The following RHOT1 variants were observed in gnomAD, a reference collection of about 807,000 sequenced individuals.
RHOT1 encodes ras homolog family member T1, also known as mitochondrial Rho GTPase 1.
In RHOT1, 27 loss-of-function variants were observed where a neutral mutation model predicts 95.3. The observed-to-expected ratio is 0.28, with a 90% CI of 0.21 to 0.39. RHOT1 has a LOEUF of 0.39. Ranked by LOEUF, RHOT1 falls within the 10% of genes least tolerant of loss-of-function variation. The probability of loss-of-function intolerance (pLI) is 1.00; values close to 1 mark genes in which losing one functional copy is unlikely to be tolerated. For synonymous variants in RHOT1, 227 were observed against 263.5 expected, an observed-to-expected ratio of 0.86 and a Z score of 1.34; for missense variants, 578 against 786.7, an observed-to-expected ratio of 0.73 and a Z score of 3.17.
chr17:32,164,952 A>G (rs2033908774), intron 1 of RHOT1, among the ~76,000 whole-genome samples: 1 of 151,980 alleles, frequency 6.6e-6, no homozygotes, highest in African/African-American at 2.4e-5. Flanking sequence ...TCAGGCCAGG[A>G]GTTCAAGACC....
At chr17:32,182,930 A>G in intron 7 of RHOT1, 65 bp downstream of exon 7, 1 of 1,034,266 alleles carries the variant, frequency 9.7e-7, no homozygotes, top group East Asian at 2.4e-5. Flanking sequence ...CGGGTTTTAA[A>G]TAGGGGGGAC....
At chr17:32,175,499 T>TGG in intron 4 of RHOT1, 137 bp downstream of exon 4, 1 of 857,630 alleles carries the variant, frequency 1.2e-6, no homozygotes, top group Non-Finnish European at 1.9e-6. Context: ...TCACCCACTC[T>TGG]GTCACCCAGT....
chr17:32,186,305 T>C (rs2036046536), intron 8 of RHOT1, among the ~76,000 whole-genome samples: 1 of 152,172 alleles, frequency 6.6e-6, no homozygotes, highest in Admixed American at 6.5e-5. Context: ...TAATTTTTCA[T>C]GTGCTTATTG....
chr17:32,208,994 A>G (rs1216979095), intron 18 of RHOT1: 1 of 156,072 alleles, frequency 6.4e-6, no homozygotes, highest in Non-Finnish European at 1.4e-5. Flanking sequence ...TCTGTTTTGT[A>G]ACAAAATAGT....
At chr17:32,222,625 A>G (rs2038901427) in intron 19 of RHOT1, among the ~76,000 whole-genome samples, 1 of 152,180 alleles carries the variant, frequency 6.6e-6, no homozygotes, top group Non-Finnish European at 1.5e-5. Context: ...TTTTAAATAT[A>G]GAAAACATGA....
chr17:32,148,109 CA>C (rs1178631928), intron 1 of RHOT1, among the ~76,000 whole-genome samples: 1 of 151,942 alleles, frequency 6.6e-6, no homozygotes, highest in Admixed American at 6.6e-5. Context: ...ACTAAAAATA[CA>C]AAAAATTAGC....
At chr17:32,217,495 GC>G (rs1447961041) in intron 19 of RHOT1, among the ~76,000 whole-genome samples, 1 of 152,070 alleles carries the variant, frequency 6.6e-6, no homozygotes, top group African/African-American at 2.4e-5. Flanking sequence ...CTTGGCTCAC[GC>G]CTGTAATCCC....
intron 16 of RHOT1, among the ~76,000 whole-genome samples, chr17:32,204,464 C>T (rs961915118): frequency 2.0e-5 from 3 of 149,078 alleles, no homozygotes; most frequent in African/African-American, 7.5e-5. Flanking sequence ...GCAAGAGAAT[C>T]GCTTGAACCC....
chr17:32,188,946 C>T (rs957691133), intron 8 of RHOT1, among the ~76,000 whole-genome samples: 34 of 152,258 alleles, frequency 2.2e-4, no homozygotes, highest in Admixed American at 2.1e-3. Flanking sequence ...TAATTTACTC[C>T]GAATCCAGTA....
chr17:32,143,202 CG>C, intron 1 of RHOT1: 2 of 445,432 alleles, frequency 4.5e-6, no homozygotes, highest in Non-Finnish European at 9.2e-6. Context: ...AACCGGCTCC[CG>C]GGGAAGCTGG....
In RHOT1 at chr17:32,142,677, C is replaced by T. The variant is rs1306764457; in HGVS notation, c.-16C>T. On this transcript the variant is annotated 5_prime_UTR_variant, in exon 1 of 20. Coordinates refer to ENST00000545287, the MANE Select transcript of RHOT1 (RefSeq NM_001033566.3). ...CCGTGCGTGCGGGCGGAGGCCGGCC[C>T]CCGAGAGCCGCCGACATGAAGAAAG... The T allele has an allele frequency of 5.9e-6, 9 of 1,529,196 alleles. No individual in the cohort carries two copies. The highest frequency in any genetic ancestry group is 4.9e-5 in the South Asian group (4 of 81,386). 94.7% of individuals were successfully genotyped at this position (1,529,196 alleles called of 1,614,324 possible).
chr17:32,199,586 C>T (rs2037160787), intron 13 of RHOT1, 36 bp downstream of exon 13: 3 of 1,517,942 alleles, frequency 2.0e-6, no homozygotes, highest in Non-Finnish European at 2.6e-6. Context: ...TCTAGAGTTA[C>T]AAATAGTTTA....
At chr17:32,146,105 A>G (rs1223302449) in intron 1 of RHOT1, among the ~76,000 whole-genome samples, 3 of 152,118 alleles carry the variant, frequency 2.0e-5, no homozygotes, top group Admixed American at 6.5e-5. Flanking sequence ...GCCCTCCACA[A>G]TCTAGCCCTT....
At chr17:32,222,943 G>C in intron 19 of RHOT1, 1 of 936,560 alleles carries the variant, frequency 1.1e-6, no homozygotes, top group Non-Finnish European at 1.3e-6. Context: ...AGTTTTTCCA[G>C]CTTGAAAAAC....
chr17:32,181,888 C>T (rs906295129), intron 6 of RHOT1, among the ~76,000 whole-genome samples: 1 of 152,168 alleles, frequency 6.6e-6, no homozygotes, highest in Non-Finnish European at 1.5e-5. Context: ...TTTCTCTTTA[C>T]TCAGTACTCT....
chr17:32,149,000 C>A (rs1366689967), intron 1 of RHOT1, among the ~76,000 whole-genome samples: 1 of 152,188 alleles, frequency 6.6e-6, no homozygotes, highest in Non-Finnish European at 1.5e-5. Context: ...AGTCTCAGAA[C>A]TGTGGCATAT....
At chr17:32,192,332 C>CTTTTTTTTTTTTTTTTTTTT in intron 9 of RHOT1, 33 bp downstream of exon 9, 1 of 542,668 alleles carries the variant, frequency 1.8e-6, no homozygotes, top group Non-Finnish European at 3.0e-6. Flanking sequence ...ATTTGCGTAT[C>CTTTTTTTTTTTTTTTTTTTT]TTTTTTTTTT....
In RHOT1 at chr17:32,146,794, G is replaced by A. The variant is rs182587257; in HGVS notation, c.37+4065G>A. ...TTTTGAGACAGGGTCTTGCTCTGTCGCCCAGGCTGGAGTACAGTGGTGCCA... is the reference window on the plus strand; with the variant it reads ...TTTTGAGACAGGGTCTTGCTCTGTCACCCAGGCTGGAGTACAGTGGTGCCA... On this transcript the variant is annotated intron_variant, in intron 1 of 19. Coordinates refer to ENST00000545287, the MANE Select transcript of RHOT1 (RefSeq NM_001033566.3). Among the ~76,000 whole-genome samples the A allele has an allele frequency of 6.3e-3, 953 of 150,552 alleles. 7 individuals are homozygous for A. The highest frequency in any genetic ancestry group is 0.022 in the African/African-American group (896 of 40,880).
intron 16 of RHOT1, 72 bp downstream of exon 16, chr17:32,204,045 T>C: frequency 4.9e-6 from 5 of 1,011,816 alleles, no homozygotes; most frequent in Non-Finnish European, 7.5e-6. Context: ...TGAAAACAAA[T>C]TGGCTTCAAT....
Sources: gnomAD v4.1 joint callset for allele counts (sites outside exome capture counted in the v4.1 genomes callset) on GRCh38, gnomAD v4.1.1 for gene constraint, MANE v1.5 for transcripts, NCBI Gene and HGNC (gene_info 2026-07-23, HGNC 2026-07-21) for gene names.